Variants in MMP16 observed in about 807,000 individuals in gnomAD.
The protein encoded by MMP16 is matrix metallopeptidase 16, also known as matrix metalloproteinase-16.
MMP16 carries 12 observed loss-of-function variants against 67.8 expected under a neutral mutation model. That is an observed-to-expected ratio of 0.18 (90% CI 0.11 to 0.29). The LOEUF (loss-of-function observed/expected upper bound fraction) is 0.29. Ranked by LOEUF, MMP16 falls within the 10% of genes least tolerant of loss-of-function variation. The pLI is 1.00. For synonymous variants in MMP16, 249 were observed against 255.9 expected, an observed-to-expected ratio of 0.97 and a Z score of 0.26; for missense variants, 475 against 765.7, an observed-to-expected ratio of 0.62 and a Z score of 4.48.
intron 4 of MMP16, among the ~76,000 whole-genome samples, chr8:88,130,718 T>C (rs989368356): frequency 6.6e-6 from 1 of 151,542 alleles, no homozygotes; most frequent in Non-Finnish European, 1.5e-5. Flanking sequence ...CTAGGATACA[T>C]GACTTGGATG....
chr8:88,046,499 C>T (rs1334064313), intron 9 of MMP16, among the ~76,000 whole-genome samples, 170 bp downstream of exon 9: 1 of 151,940 alleles, frequency 6.6e-6, no homozygotes, highest in Non-Finnish European at 1.5e-5. Flanking sequence ...AAAATGTCTA[C>T]AGCATAATAT....
At chr8:88,143,623 A>C (rs767135686) in intron 4 of MMP16, among the ~76,000 whole-genome samples, 1 of 152,016 alleles carries the variant, frequency 6.6e-6, no homozygotes, top group Non-Finnish European at 1.5e-5. Context: ...GGAAGGTGTA[A>C]AGTTATAAGG....
At position 88,046,656 on chromosome 8, in the gene MMP16, A is replaced by ACATGTTGCATAC; in HGVS notation, c.1489+1_1489+12dup. ...AGCAAACTTATGAAATGTAGAAAGC[A>ACATGTTGCATAC]CATGTTGCATACCATTTTCTTTGTG... is the stretch of plus-strand genomic sequence containing the variant. On this transcript the variant is annotated intron_variant, in intron 9 of 9. Coordinates refer to ENST00000286614, the MANE Select transcript of MMP16 (RefSeq NM_005941.5). 1 of 1,506,520 alleles carries ACATGTTGCATAC rather than the reference A, an allele frequency of 6.6e-7. No homozygotes were observed. The highest frequency in any genetic ancestry group is 9.1e-7 in the Non-Finnish European group (1 of 1,102,420). The allele number at this position is 1,506,520 out of a possible 1,614,324, so 93.3% of individuals were successfully genotyped here. A position where few individuals can be genotyped will look rare whatever the true frequency, so the allele number is the denominator to read the frequency against.
At chr8:88,087,959 A>G (rs181178552) in intron 6 of MMP16, among the ~76,000 whole-genome samples, 27 of 145,204 alleles carry the variant, frequency 1.9e-4, no homozygotes, top group Non-Finnish European at 3.1e-4. Context: ...AAAACCAAAC[A>G]AACAAAAAAA....
chr8:88,182,730 T>C (rs1396313400), intron 3 of MMP16, among the ~76,000 whole-genome samples: 4 of 152,124 alleles, frequency 2.6e-5, no homozygotes, highest in Non-Finnish European at 5.9e-5. Context: ...GAGTTAAAAA[T>C]TTATGCCTAC....
At chr8:88,302,931 C>T (rs1352643743) in intron 1 of MMP16, among the ~76,000 whole-genome samples, 1 of 152,196 alleles carries the variant, frequency 6.6e-6, no homozygotes, top group Non-Finnish European at 1.5e-5. Context: ...AACTCCCACC[C>T]CCAGCCAAGA....
intron 1 of MMP16, among the ~76,000 whole-genome samples, chr8:88,298,823 A>T (rs983555020): frequency 3.3e-5 from 5 of 152,178 alleles, no homozygotes; most frequent in African/African-American, 9.7e-5. Context: ...CTTACTTCAA[A>T]CACACACATT....
intron 3 of MMP16, among the ~76,000 whole-genome samples, chr8:88,176,228 A>G (rs1024369241): frequency 4.6e-5 from 7 of 152,224 alleles, no homozygotes; most frequent in Non-Finnish European, 1.0e-4. Flanking sequence ...GTGTTTATCA[A>G]TGACCTGAAA....
At chr8:88,109,502 T>A (rs1809298236) in intron 6 of MMP16, among the ~76,000 whole-genome samples, 1 of 151,392 alleles carries the variant, frequency 6.6e-6, no homozygotes, top group Non-Finnish European at 1.5e-5. Flanking sequence ...TACAACATAG[T>A]TAACTAAAAG....
At chr8:88,190,728 T>C (rs1809157427) in intron 2 of MMP16, among the ~76,000 whole-genome samples, 1 of 152,132 alleles carries the variant, frequency 6.6e-6, no homozygotes, top group South Asian at 2.1e-4. Flanking sequence ...GTGTATTTTA[T>C]ACATATATAT....
At position 88,261,478 on chromosome 8, in the gene MMP16, G is replaced by A. The variant is rs532365402; in HGVS notation, c.133-64172C>T. On this transcript the variant is annotated intron_variant, in intron 1 of 9. Transcript: ENST00000286614. ...CAATCCCCTAAAATCCCACCCTAGC[G>A]TTCATATTTTTACTACCATACTTAA... 5.3e-5 allele frequency among the ~76,000 whole-genome samples: 8 copies of A among 151,896 alleles called. No homozygotes were observed. The South Asian group carries it at 1.2e-3, about 24-fold the overall frequency.
At chr8:88,214,752 T>G (rs1487973623) in intron 1 of MMP16, among the ~76,000 whole-genome samples, 1 of 152,194 alleles carries the variant, frequency 6.6e-6, no homozygotes, top group African/African-American at 2.4e-5. Context: ...CTTGTCTAAC[T>G]GAAACGTTGT....
chr8:88,144,898 T>C (rs1444895656), intron 4 of MMP16, among the ~76,000 whole-genome samples: 1 of 152,058 alleles, frequency 6.6e-6, no homozygotes, highest in East Asian at 1.9e-4. Flanking sequence ...GGAAGAGTTC[T>C]TGCTCTTGGG....
intron 4 of MMP16, among the ~76,000 whole-genome samples, chr8:88,159,477 T>C (rs1808574368): frequency 6.6e-6 from 1 of 152,240 alleles, no homozygotes; most frequent in South Asian, 2.1e-4. Context: ...CTGTTATTGG[T>C]ATATAAGAAT....
intron 4 of MMP16, among the ~76,000 whole-genome samples, chr8:88,134,029 C>T (rs947224909): frequency 1.3e-5 from 2 of 151,620 alleles, no homozygotes; most frequent in African/African-American, 2.4e-5. Flanking sequence ...TAATTAGAGC[C>T]TCCAAAAGCA....
intron 1 of MMP16, among the ~76,000 whole-genome samples, chr8:88,278,050 C>T (rs1396105968): frequency 6.6e-6 from 1 of 152,122 alleles, no homozygotes; most frequent in Non-Finnish European, 1.5e-5. Context: ...ACATGGCAGG[C>T]AAAATGGCTA....
At chr8:88,252,520 C>A (rs1936617775) in intron 1 of MMP16, among the ~76,000 whole-genome samples, 2 of 151,508 alleles carry the variant, frequency 1.3e-5, no homozygotes, top group East Asian at 3.9e-4. Flanking sequence ...TAATCTCTTA[C>A]ATGTCAAACA....
rs991841033 is a variant in MMP16, at chr8:88,244,770, C to T, written c.133-47464G>A. Among the ~76,000 whole-genome samples the T allele has an allele frequency of 2.7e-4, 41 of 152,108 alleles. 1 individual carries two copies. Among genetic ancestry groups the T allele is most frequent in the Admixed American group, 9.2e-4 (14 of 15,266 alleles). Reference sequence around the variant, plus strand: ...TGGCTATAACATCTTTCTTTACCTTCGTGACTTTCATAGACATGTACAAAA... The same window carrying T: ...TGGCTATAACATCTTTCTTTACCTTTGTGACTTTCATAGACATGTACAAAA... On this transcript the variant is annotated intron_variant, in intron 1 of 9. Transcript: ENST00000286614.
intron 6 of MMP16, 71 bp from the exon 7 acceptor site, chr8:88,074,814 G>T: frequency 1.3e-6 from 2 of 1,525,608 alleles, no homozygotes; most frequent in Non-Finnish European, 1.8e-6. Flanking sequence ...GCAATGGCTG[G>T]ACGCTTTTGA....
Sources: gnomAD v4.1 joint callset for allele counts (sites outside exome capture counted in the v4.1 genomes callset) on GRCh38, gnomAD v4.1.1 for gene constraint, MANE v1.5 for transcripts, NCBI Gene and HGNC (gene_info 2026-07-23, HGNC 2026-07-21) for gene names.